ME3: variants seen among roughly 807,000 people sequenced by gnomAD.
ME3 encodes malic enzyme 3.
ME3 carries 48 observed loss-of-function variants against 68.9 expected under a neutral mutation model. The ratio of observed to expected loss-of-function variants is 0.70; its 90% confidence interval spans 0.55 to 0.89. The LOEUF (loss-of-function observed/expected upper bound fraction) is 0.89, where lower values mean the gene tolerates loss of function less well. ME3 is among the 40% of genes least tolerant of loss of function. The pLI is 0.00. For synonymous variants in ME3, 320 were observed against 318.8 expected (o/e 1.00, Z -0.04); for missense variants, 675 against 797.4 (o/e 0.85, Z 1.85).
At chr11:86,620,296 A>T (rs1943263038) in intron 2 of ME3, among the ~76,000 whole-genome samples, 1 of 152,226 alleles carries the variant, frequency 6.6e-6, no homozygotes, top group African/African-American at 2.4e-5. Context: ...GGGTGGGTGA[A>T]GTCCTTTGGG....
At chr11:86,532,372 C>G (rs1955316561) in intron 4 of ME3, among the ~76,000 whole-genome samples, 1 of 152,160 alleles carries the variant, frequency 6.6e-6, no homozygotes, top group Admixed American at 6.5e-5. Context: ...AATGGATCTA[C>G]AGATATATAC....
rs1199384720 is a variant in ME3 at position 86,487,436 on chromosome 11, A to G, written c.710T>C (p.Leu237Pro). Residue 237 changes from leucine to proline, a missense_variant, in exon 7 of 15, where the codon CTG becomes CCG. Leu to Pro is a moderately conservative substitution (Grantham distance 98, BLOSUM62 -3). Coordinates refer to ENST00000543262, the Ensembl canonical transcript of ME3. Reference sequence around the variant, plus strand: ...GCCGATGTACAGAGGGTCTCTGAGCAGCTCCTGGAACAGACAGCACCCATT... The same window carrying G: ...GCCGATGTACAGAGGGTCTCTGAGCGGCTCCTGGAACAGACAGCACCCATT... The G allele has an allele frequency of 2.5e-6, 4 of 1,613,580 alleles. No homozygotes were observed. The East Asian group carries it at 8.9e-5, about 36-fold the overall frequency.
intron 4 of ME3, among the ~76,000 whole-genome samples, chr11:86,528,374 C>A (rs1309594603): frequency 6.6e-6 from 1 of 152,180 alleles, no homozygotes; most frequent in Admixed American, 6.5e-5. Flanking sequence ...TAGAGACCTA[C>A]AAAGAGACTT....
In ME3 at chr11:86,595,981, A is replaced by G. The variant is rs528358943; in HGVS notation, c.184-36158T>C. On this transcript the variant is annotated intron_variant, in intron 2 of 14. Transcript: ENST00000543262. ...TTCAGATGCCTCCATGCACTAAACAACAGTCTTTAGAAATTCCAACAAGTG... is the reference window on the plus strand; with the variant it reads ...TTCAGATGCCTCCATGCACTAAACAGCAGTCTTTAGAAATTCCAACAAGTG... Among the ~76,000 whole-genome samples the G allele has an allele frequency of 4.6e-5, 7 of 152,326 alleles. No individual in the cohort carries two copies. The South Asian group carries it at 6.2e-4, about 14-fold the overall frequency.
At chr11:86,438,848 C>G (rs1948911608), downstream of ME3, among the ~76,000 whole-genome samples, 1 of 152,140 alleles carries the variant, frequency 6.6e-6, no homozygotes, top group Non-Finnish European at 1.5e-5. Flanking sequence ...AGATCTTTCT[C>G]TCTCTCTCTC....
downstream of ME3, chr11:86,436,415 C>T (rs1383207765): frequency 1.3e-5 from 2 of 151,820 alleles, no homozygotes; most frequent in African/African-American, 4.8e-5. Context: ...CCAGTGTCTT[C>T]GTCAGATATA....
intron 4 of ME3, among the ~76,000 whole-genome samples, chr11:86,549,959 C>T (rs140334217): frequency 4.6e-5 from 7 of 152,208 alleles, no homozygotes; most frequent in South Asian, 4.2e-4. Context: ...CTGGAAAATA[C>T]GGGATGCAGA....
chr11:86,474,515 A>G (rs1950956011), intron 7 of ME3, among the ~76,000 whole-genome samples: 1 of 152,180 alleles, frequency 6.6e-6, no homozygotes, highest in Admixed American at 6.5e-5. Flanking sequence ...AGGACATGGC[A>G]ACTCACTCCT....
chr11:86,499,839 A>G (rs1044804280), intron 5 of ME3, among the ~76,000 whole-genome samples: 12 of 152,202 alleles, frequency 7.9e-5, no homozygotes, highest in Admixed American at 1.3e-4. Flanking sequence ...CCGGTGAGCA[A>G]ACAGAAGCTC....
chr11:86,466,539 T>C (rs1325607584), intron 7 of ME3, among the ~76,000 whole-genome samples: 1 of 152,058 alleles, frequency 6.6e-6, no homozygotes, highest in African/African-American at 2.4e-5. Context: ...GTGGGGCACA[T>C]GCTTGGGGGG....
chr11:86,579,256 A>G (rs192408774), intron 2 of ME3, among the ~76,000 whole-genome samples: 123 of 152,322 alleles, frequency 8.1e-4, no homozygotes, highest in African/African-American at 2.0e-3. Flanking sequence ...AGCAGACTCA[A>G]TGCTCAGCAG....
At chr11:86,504,966 C>T (rs1952972950) in intron 5 of ME3, among the ~76,000 whole-genome samples, 1 of 152,228 alleles carries the variant, frequency 6.6e-6, no homozygotes, top group South Asian at 2.1e-4. Flanking sequence ...GCTGGGATTA[C>T]AGGCGTGAGC....
rs1019369855 is a variant in ME3, at chr11:86,468,643, T to C, written c.810-3443A>G. Among the ~76,000 whole-genome samples, 10 of 152,324 alleles carry C rather than the reference T, an allele frequency of 6.6e-5. No homozygotes were observed. In the South Asian group the frequency reaches 8.3e-4, roughly 13 times the overall value. ...CAATTAAGAAGAGAAAATTTCAAAGTGGAAATTTAAATGGCTTAGTGGATA... is the reference window on the plus strand; with the variant it reads ...CAATTAAGAAGAGAAAATTTCAAAGCGGAAATTTAAATGGCTTAGTGGATA... On this transcript the variant is annotated intron_variant, in intron 7 of 14. Coordinates refer to ENST00000543262, the Ensembl canonical transcript of ME3.
intron 2 of ME3, among the ~76,000 whole-genome samples, chr11:86,628,035 A>G (rs1943771447): frequency 6.6e-6 from 1 of 152,256 alleles, no homozygotes; most frequent in South Asian, 2.1e-4. Flanking sequence ...CCTGAGAGAC[A>G]GCAAAGAACA....
chr11:86,527,499 C>T (rs1190025590), intron 4 of ME3, among the ~76,000 whole-genome samples: 1 of 152,118 alleles, frequency 6.6e-6, no homozygotes, highest in South Asian at 2.1e-4. Context: ...CATTCAAATT[C>T]AGAGAATGCC....
intron 11 of ME3, 76 bp downstream of exon 11, chr11:86,448,074 G>C: frequency 1.9e-6 from 2 of 1,042,146 alleles, no homozygotes; most frequent in Non-Finnish European, 3.0e-6. Flanking sequence ...AGGCTTCCTA[G>C]CTGAGCCTCT....
chr11:86,665,965 G>C (rs1946564130), intron 2 of ME3, among the ~76,000 whole-genome samples: 1 of 152,196 alleles, frequency 6.6e-6, no homozygotes. Context: ...TGGCAAAGGA[G>C]TGAAAAAGGC....
chr11:86,477,107 A>G (rs1951121658), intron 7 of ME3, among the ~76,000 whole-genome samples: 1 of 152,190 alleles, frequency 6.6e-6, no homozygotes, highest in African/African-American at 2.4e-5. Context: ...TCATTTATCC[A>G]TCATAAGTAC....
At chr11:86,639,757 C>G (rs1944551830) in intron 2 of ME3, among the ~76,000 whole-genome samples, 1 of 152,184 alleles carries the variant, frequency 6.6e-6, no homozygotes, top group African/African-American at 2.4e-5. Context: ...CAGAAAACTT[C>G]AAGGTAAAAG....
Sources: gnomAD v4.1 joint callset for allele counts (sites outside exome capture counted in the v4.1 genomes callset) on GRCh38, gnomAD v4.1.1 for gene constraint, MANE v1.5 for transcripts, NCBI Gene and HGNC (gene_info 2026-07-23, HGNC 2026-07-21) for gene names.